Variants in WDR49 observed in about 807,000 individuals in gnomAD.
WDR49 encodes cilia- and flagella-associated protein 337.
Under a neutral mutation model 119.5 loss-of-function variants are expected in WDR49, and 107 were observed. The ratio of observed to expected loss-of-function variants is 0.90; its 90% confidence interval spans 0.77 to 1.05. The LOEUF (loss-of-function observed/expected upper bound fraction) is 1.05, where lower values mean the gene tolerates loss of function less well. Among genes scored for constraint, WDR49 ranks in the 50% least tolerant of loss-of-function variants. The pLI is 0.00. For synonymous variants in WDR49, 425 were observed against 418.8 expected, an observed-to-expected ratio of 1.01 and a Z score of -0.18; for missense variants, 1,240 against 1,220.5, an observed-to-expected ratio of 1.02 and a Z score of -0.24.
At chr3:167,639,044 T>C (rs1717753165) in intron 2 of WDR49, among the ~76,000 whole-genome samples, 1 of 151,724 alleles carries the variant, frequency 6.6e-6, no homozygotes, top group South Asian at 2.1e-4. Context: ...GTGAAATTCT[T>C]CAATATCTGC....
intron 10 of WDR49, among the ~76,000 whole-genome samples, chr3:167,544,932 G>A (rs557173806): frequency 7.9e-5 from 12 of 151,854 alleles, no homozygotes; most frequent in East Asian, 3.9e-4. Flanking sequence ...GAAAATCTTC[G>A]CAAACCATGC....
intron 7 of WDR49, among the ~76,000 whole-genome samples, chr3:167,582,306 A>G (rs1025113845): frequency 3.3e-5 from 5 of 152,170 alleles, no homozygotes; most frequent in Admixed American, 3.3e-4. Context: ...GATGTATGCT[A>G]GCAGAACTAT....
chr3:167,510,527 G>A (rs1751932570), intron 16 of WDR49, among the ~76,000 whole-genome samples: 1 of 151,892 alleles, frequency 6.6e-6, no homozygotes, highest in Non-Finnish European at 1.5e-5. Flanking sequence ...CATATCAATT[G>A]TTAACTTAGA....
chr3:167,564,420 G>C (rs7637861), intron 8 of WDR49, among the ~76,000 whole-genome samples: 49,262 of 152,032 alleles, frequency 0.32, 8,245 homozygotes, highest in African/African-American at 0.37. Flanking sequence ...TTACTTGGCA[G>C]ATGAAGAAAA....
chr3:167,554,825 T>G (rs766488397), intron 9 of WDR49, 27 bp from the exon 10 acceptor site: 25 of 1,536,576 alleles, frequency 1.6e-5, no homozygotes, highest in Non-Finnish European at 2.1e-5. Context: ...AAAACCACTT[T>G]GAGACAGGAA....
At chr3:167,530,427 A>G in intron 13 of WDR49, among the ~76,000 whole-genome samples, 1 of 152,160 alleles carries the variant, frequency 6.6e-6, no homozygotes, top group Admixed American at 6.6e-5. Context: ...GGCTGCATCA[A>G]CACCATGCTA....
intron 5 of WDR49, among the ~76,000 whole-genome samples, chr3:167,615,052 G>T (rs774174380): frequency 6.6e-6 from 1 of 152,032 alleles, no homozygotes. Context: ...GTCTTTTCTC[G>T]TATTGAAATC....
chr3:167,558,495 T>A (rs1371141165), intron 9 of WDR49, among the ~76,000 whole-genome samples: 1 of 152,292 alleles, frequency 6.6e-6, no homozygotes, highest in East Asian at 1.9e-4. Flanking sequence ...AATTCTGTTG[T>A]GCTCTTGTGA....
intron 2 of WDR49, among the ~76,000 whole-genome samples, chr3:167,627,698 G>C (rs1384153651): frequency 6.6e-6 from 1 of 152,016 alleles, no homozygotes; most frequent in Non-Finnish European, 1.5e-5. Context: ...TTTTATCCCT[G>C]TAAAACCCAT....
intron 18 of WDR49, among the ~76,000 whole-genome samples, chr3:167,493,607 C>G (rs1751234331): frequency 6.6e-6 from 1 of 152,264 alleles, no homozygotes; most frequent in Admixed American, 6.5e-5. Context: ...AGTGGCTGCT[C>G]TTTCATTTTC....
rs1752746452 is a variant in WDR49, at chr3:167,529,068, T to C, written c.2390A>G (p.Lys797Arg). 6.3e-7 allele frequency: 1 copy of C among 1,582,048 alleles called. No homozygotes were observed. Residue 797 changes from lysine (K) to arginine (R), a missense_variant, in exon 14 of 19, where the codon AAA becomes AGA. By Grantham distance (26) the Lys-to-Arg change is conservative (BLOSUM62 2). Coordinates refer to ENST00000682715, the MANE Select transcript of WDR49 (RefSeq NM_001366157.1). Reference protein sequence around the residue: ...LTTGDLDGWLKIWNIEEYCLN... With the variant: ...LTTGDLDGWLRIWNIEEYCLN... The stretch of plus-strand genomic sequence containing the variant: ...TCAATTTACCTCTATATTCCAGATT[T>C]TCAACCATCCATCAAGATCTCCTGT...
chr3:167,628,201 G>A (rs1021798548), intron 2 of WDR49, among the ~76,000 whole-genome samples: 1 of 151,918 alleles, frequency 6.6e-6, no homozygotes, highest in African/African-American at 2.4e-5. Flanking sequence ...CAAAAATATT[G>A]AAATTAAGCC....
chr3:167,651,853 C>T (rs1718397841), intron 2 of WDR49, among the ~76,000 whole-genome samples: 1 of 152,070 alleles, frequency 6.6e-6, no homozygotes, highest in South Asian at 2.1e-4. Flanking sequence ...AAAGAACACC[C>T]ACCTCTAACC....
chr3:167,575,938 A>G lies in WDR49; in HGVS notation c.1489T>C (p.Tyr497His), dbSNP rs751989947. Reference protein sequence around the residue: ...SHEKAVTCVLYNSILKQVISS... With the variant: ...SHEKAVTCVLHNSILKQVISS... Reference sequence around the variant, plus strand: ...ATTACCTGCTTCAAGATAGAATTGTAAAGAACACAAGTGACTGCTTTCTCA... The same window carrying G: ...ATTACCTGCTTCAAGATAGAATTGTGAAGAACACAAGTGACTGCTTTCTCA... The change falls in exon 8 of 19, where the codon TAC becomes CAC. Residue 497 changes from tyrosine (Y) to histidine (H), a missense_variant. Transcript: ENST00000682715. 1.2e-6 allele frequency: 2 copies of G among 1,614,044 alleles called. No individual in the cohort carries two copies. The highest frequency in any genetic ancestry group is 4.5e-5 in the East Asian group (2 of 44,882).
intron 9 of WDR49, among the ~76,000 whole-genome samples, chr3:167,558,516 T>C (rs1192298347): frequency 6.6e-6 from 1 of 152,232 alleles, no homozygotes. Context: ...TAAATATAAA[T>C]GCACCTTCAG....
rs931385552 is a variant in WDR49 at position 167,538,226 on chromosome 3, A to T, written c.1824-1226T>A. 5.9e-5 allele frequency among the ~76,000 whole-genome samples: 9 copies of T among 152,178 alleles called. No homozygotes were observed. The East Asian group carries it at 7.7e-4, about 13-fold the overall frequency. ...AAATAGTTTCCATTTGCCAGTTGACAGTTCTGTATAATGCTTCCATCTGCA... is the reference window on the plus strand; with the variant it reads ...AAATAGTTTCCATTTGCCAGTTGACTGTTCTGTATAATGCTTCCATCTGCA... On this transcript the variant is annotated intron_variant, in intron 10 of 18. Coordinates refer to ENST00000682715, the MANE Select transcript of WDR49 (RefSeq NM_001366157.1).
At chr3:167,562,680 G>T (rs1413968382) in intron 8 of WDR49, among the ~76,000 whole-genome samples, 1 of 152,144 alleles carries the variant, frequency 6.6e-6, no homozygotes, top group East Asian at 1.9e-4. Context: ...CACTATACAT[G>T]GTTGTTAGGA....
chr3:167,498,449 A>C (rs2108206893), intron 18 of WDR49, among the ~76,000 whole-genome samples: 1 of 151,446 alleles, frequency 6.6e-6, no homozygotes, highest in East Asian at 2.0e-4. Flanking sequence ...GGCAGGGTGG[A>C]GGGGGGAGGG....
At chr3:167,582,657 C>T (rs1314629491) in intron 7 of WDR49, among the ~76,000 whole-genome samples, 1 of 152,064 alleles carries the variant, frequency 6.6e-6, no homozygotes, top group African/African-American at 2.4e-5. Flanking sequence ...TCATTGATTT[C>T]CCAGTTCTAA....
Sources: allele counts gnomAD v4.1 joint callset (sites outside exome capture counted in the v4.1 genomes callset), GRCh38; gene constraint gnomAD v4.1.1; transcripts MANE v1.5; gene names NCBI Gene and HGNC (gene_info 2026-07-23, HGNC 2026-07-21).